KCNG4: variants seen among roughly 807,000 people sequenced by gnomAD.
The protein encoded by KCNG4 is potassium voltage-gated channel modifier subfamily G member 4.
Under a neutral mutation model 28.2 loss-of-function variants are expected in KCNG4, and 30 were observed. The observed-to-expected ratio is 1.06, with a 90% CI of 0.80 to 1.44. The LOEUF (loss-of-function observed/expected upper bound fraction) is 1.44. Ranked by LOEUF, KCNG4 falls within the 40% of genes most tolerant of loss-of-function variation. The probability of loss-of-function intolerance (pLI) is 0.00; values close to 1 mark genes in which losing one functional copy is unlikely to be tolerated. For missense variants in KCNG4, 879 were observed against 712.3 expected (o/e 1.23, Z -2.66); for synonymous variants, 375 against 315.5 (o/e 1.19, Z -2.00).
chr16:84,238,450 C>G (rs577567290), intron 1 of KCNG4, among the ~76,000 whole-genome samples: 3 of 152,188 alleles, frequency 2.0e-5, no homozygotes, highest in African/African-American at 7.2e-5. Context: ...GCTAAGGGGA[C>G]GGAGGAGCAT....
Position 84,218,783 on chromosome 16 carries a change from G to C in KCNG4, c.*3434C>G, listed in dbSNP as rs2151334485. 6.6e-6 allele frequency: 1 copy of C among 152,310 alleles called. No individual in the cohort carries two copies. The highest frequency in any genetic ancestry group is 3.4e-3 in the Middle Eastern group (1 of 294). The allele number at this position is 152,310 out of a possible 1,614,324, so 9.4% of individuals were successfully genotyped here. A position where few individuals can be genotyped will look rare whatever the true frequency, so the allele number is the denominator to read the frequency against. Reference sequence around the variant, plus strand: ...ACTGGGTGAACATTAAGACACTATAGAATCTCATAATGGTGGTGGTGCTTC... The same window carrying C: ...ACTGGGTGAACATTAAGACACTATACAATCTCATAATGGTGGTGGTGCTTC... On this transcript the variant is annotated 3_prime_UTR_variant, in exon 3 of 3. Coordinates refer to ENST00000308251, the MANE Select transcript of KCNG4 (RefSeq NM_172347.3).
intron 2 of KCNG4, among the ~76,000 whole-genome samples, chr16:84,229,665 G>T (rs1402642970): frequency 6.6e-6 from 1 of 152,216 alleles, no homozygotes; most frequent in Non-Finnish European, 1.5e-5. Context: ...ATGAGTGTGG[G>T]TGGTGGCGTC....
chr16:84,225,905 G>T (rs1030341977), intron 2 of KCNG4, among the ~76,000 whole-genome samples: 22 of 152,244 alleles, frequency 1.4e-4, no homozygotes, highest in Non-Finnish European at 3.1e-4. Context: ...AGAAATGCTG[G>T]CATTGGGGCA....
chr16:84,228,758 G>C (rs1287496290), intron 2 of KCNG4, among the ~76,000 whole-genome samples: 1 of 152,256 alleles, frequency 6.6e-6, no homozygotes, highest in Non-Finnish European at 1.5e-5. Flanking sequence ...TCCCTTCTGT[G>C]AAGTGGGGAA....
rs564756592 is a variant in KCNG4, at chr16:84,222,145, C to G, written c.*72G>C. 1.3e-6 allele frequency: 2 copies of G among 1,495,496 alleles called. No individual in the cohort carries two copies. The highest frequency in any genetic ancestry group is 2.4e-5 in the South Asian group (2 of 82,264). The allele number at this position is 1,495,496 out of a possible 1,614,324, so 92.6% of individuals were successfully genotyped here. A position where few individuals can be genotyped will look rare whatever the true frequency, so the allele number is the denominator to read the frequency against. ...TAGAAACACCACCAGGTGGTCTATG[C>G]GGGGTACCCTTGAGTGTGTTTCAGG... On this transcript the variant is annotated 3_prime_UTR_variant, in exon 3 of 3. Transcript: ENST00000308251.
At chr16:84,231,777 G>A (rs930875887) in intron 2 of KCNG4, among the ~76,000 whole-genome samples, 13 of 152,096 alleles carry the variant, frequency 8.5e-5, no homozygotes, top group African/African-American at 3.1e-4. Flanking sequence ...GCAGAGGAGG[G>A]CGGATCACCT....
In KCNG4 at chr16:84,226,710, C is replaced by T. The variant is rs191440735; in HGVS notation, c.757-3690G>A. Among the ~76,000 whole-genome samples, 37 of 103,742 alleles carry T rather than the reference C, an allele frequency of 3.6e-4. 1 individual carries two copies. Among genetic ancestry groups the T allele is most frequent in the African/African-American group, 7.8e-4 (23 of 29,414 alleles). The allele number at this position is 103,742 out of a possible 152,430, so 68.1% of individuals were successfully genotyped here. On this transcript the variant is annotated intron_variant, in intron 2 of 2. Transcript: ENST00000308251. The surrounding 1 kb of genome is among the most constrained non-coding windows in gnomAD (Gnocchi z 4.1). The stretch of plus-strand genomic sequence containing the variant: ...CCTGACCAATATGGTGAAACCTTGT[C>T]GCTACTAAAAATACAAAAATTAGCC...
intron 2 of KCNG4, among the ~76,000 whole-genome samples, chr16:84,228,092 G>A (rs970483749): frequency 1.3e-5 from 2 of 152,242 alleles, no homozygotes; most frequent in Admixed American, 6.5e-5. Flanking sequence ...CCCACAGCCT[G>A]GCCCTCACCT....
At position 84,221,882 on chromosome 16, in the gene KCNG4, G is replaced by T. The variant is rs1167547158; in HGVS notation, c.*335C>A. 1.6e-3 allele frequency: 526 copies of T among 326,658 alleles called. 1 individual carries two copies. Among genetic ancestry groups the T allele is most frequent in the Admixed American group, 2.4e-3 (51 of 21,342 alleles). 20.2% of individuals were successfully genotyped at this position (326,658 alleles called of 1,614,324 possible). A position where few individuals can be genotyped will look rare whatever the true frequency, so the allele number is the denominator to read the frequency against. ...AAATACCAATGGTTACCAGTTCTAT[G>T]GGCATCCAGAACCCAGCCTGGGATG... is the stretch of plus-strand genomic sequence containing the variant. On this transcript the variant is annotated 3_prime_UTR_variant, in exon 3 of 3. Coordinates refer to ENST00000308251, the MANE Select transcript of KCNG4 (RefSeq NM_172347.3).
intron 1 of KCNG4, among the ~76,000 whole-genome samples, chr16:84,238,073 G>C (rs937944209): frequency 3.9e-5 from 6 of 152,312 alleles, no homozygotes; most frequent in Non-Finnish European, 8.8e-5. Context: ...GGCAGTCTGA[G>C]TGCCCACATC....
chr16:84,232,762 G>C (rs1904856208), intron 2 of KCNG4, among the ~76,000 whole-genome samples: 1 of 151,998 alleles, frequency 6.6e-6, no homozygotes, highest in Admixed American at 6.6e-5. Flanking sequence ...AGCCAGGCGT[G>C]ATGATGCCTG....
chr16:84,222,255 T>C lies in KCNG4; in HGVS notation c.1522A>G (p.Ile508Val), dbSNP rs772018954. The change falls in exon 3 of 3, where the codon ATC becomes GTC. Residue 508 changes from isoleucine to valine, a missense_variant. Physicochemically the swap from Ile to Val is conservative, Grantham distance 29. Coordinates refer to ENST00000308251, the MANE Select transcript of KCNG4 (RefSeq NM_172347.3). Reference protein sequence around the residue: ...HELMNDVNDLILEGPALPIMH... With the variant: ...HELMNDVNDLVLEGPALPIMH... ...ATAGGCAAGGCTGGGCCCTCCAGGATTAGGTCATTGACATCGTTCATGAGC... is the reference window on the plus strand; with the variant it reads ...ATAGGCAAGGCTGGGCCCTCCAGGACTAGGTCATTGACATCGTTCATGAGC... 2 of 1,614,024 alleles carry C rather than the reference T, an allele frequency of 1.2e-6. No homozygotes were observed. Among genetic ancestry groups the C allele is most frequent in the Non-Finnish European group, 1.7e-6 (2 of 1,179,992 alleles).
Position 84,236,950 on chromosome 16 carries a change from T to TGC in KCNG4, c.534_535dup (p.His179ArgfsTer7). ...CTGCTGCCTCAGTACGTCCTCCCTG[T>TGC]GCAGCTTGGCCAGCTCCTCCAGCTC... On this transcript the variant is annotated frameshift_variant, in exon 2 of 3. Coordinates refer to ENST00000308251, the MANE Select transcript of KCNG4 (RefSeq NM_172347.3). LOFTEE classifies it high-confidence loss of function. 1 of 1,611,774 alleles carries TGC rather than the reference T, an allele frequency of 6.2e-7. No homozygotes were observed. The highest frequency in any genetic ancestry group is 8.5e-7 in the Non-Finnish European group (1 of 1,179,668).
chr16:84,237,973 G>GT (rs1905016141), intron 1 of KCNG4, among the ~76,000 whole-genome samples: 1 of 152,160 alleles, frequency 6.6e-6, no homozygotes, highest in Non-Finnish European at 1.5e-5. Flanking sequence ...AGGCTCTCAG[G>GT]TTCACTGGCA....
At chr16:84,232,666 G>A (rs1056981132) in intron 2 of KCNG4, among the ~76,000 whole-genome samples, 2 of 152,098 alleles carry the variant, frequency 1.3e-5, no homozygotes, top group Admixed American at 6.6e-5. Flanking sequence ...TTGGGAGGCC[G>A]AGGTGGGAGA....
At chr16:84,239,132 C>G (rs1171794078) in intron 1 of KCNG4, among the ~76,000 whole-genome samples, 1 of 152,150 alleles carries the variant, frequency 6.6e-6, no homozygotes, top group Non-Finnish European at 1.5e-5. Flanking sequence ...GGCAGTGGAA[C>G]GGAAATCAAA....
chr16:84,235,031 T>C (rs1355890274), intron 2 of KCNG4, among the ~76,000 whole-genome samples: 8 of 152,104 alleles, frequency 5.3e-5, no homozygotes, highest in Admixed American at 2.0e-4. Flanking sequence ...CGGGCATAAA[T>C]CTCTCTTGTC....
intron 2 of KCNG4, among the ~76,000 whole-genome samples, chr16:84,224,403 T>TACACACACACACACAC (rs58296563): frequency 2.4e-3 from 142 of 58,660 alleles, no homozygotes; most frequent in African/African-American, 2.8e-3. Flanking sequence ...TATACATATT[T>TACACACACACACACAC]ACACACACAC....
chr16:84,222,883 G>A lies in KCNG4; in HGVS notation c.894C>T (p.Ile298=), dbSNP rs374096501. Residue 298 remains isoleucine, a synonymous_variant, in exon 3 of 3, where the codon ATC becomes ATT. Transcript: ENST00000308251. ...AGTATGGGGAGATGGCCAGGATGTC[G>A]ATGATGTTCAGGGGCCCCTGGAAGA... The part of the protein sequence containing the change: ...CQFFQGPLNI[I]DILAISPYYV... The A allele has an allele frequency of 8.7e-5, 140 of 1,612,192 alleles. No individual in the cohort carries two copies. Among genetic ancestry groups the A allele is most frequent in the African/African-American group, 7.9e-4 (59 of 74,912 alleles).
Sources: allele counts gnomAD v4.1 joint callset (sites outside exome capture counted in the v4.1 genomes callset), GRCh38; gene constraint gnomAD v4.1.1; non-coding constraint Gnocchi (gnomAD v3.1); transcripts MANE v1.5; gene names NCBI Gene and HGNC (gene_info 2026-07-23, HGNC 2026-07-21).